The following UNC13A variants were observed in gnomAD, a reference collection of about 807,000 sequenced individuals.
The protein encoded by UNC13A is protein unc-13 homolog A.
A neutral mutation model predicts 219.7 loss-of-function variants in UNC13A; 61 were observed. The observed-to-expected ratio is 0.28, with a 90% CI of 0.23 to 0.34. The LOEUF is 0.34. Among genes scored for constraint, UNC13A ranks in the 10% least tolerant of loss-of-function variants. UNC13A has a pLI of 1.00. For synonymous variants in UNC13A, 920 were observed against 884.6 expected, an observed-to-expected ratio of 1.04 and a Z score of -0.71; for missense variants, 1,476 against 2,270.3, an observed-to-expected ratio of 0.65 and a Z score of 7.11.
chr19:17,650,439 G>A (rs1455062132), intron 12 of UNC13A, among the ~76,000 whole-genome samples: 1 of 152,100 alleles, frequency 6.6e-6, no homozygotes, highest in East Asian at 1.9e-4. Flanking sequence ...GCTTGAACCA[G>A]GAGGCAGAGG....
intron 26 of UNC13A, 98 bp from the exon 27 acceptor site, chr19:17,633,291 G>A (rs2076877115): frequency 3.4e-6 from 4 of 1,193,506 alleles, no homozygotes; most frequent in East Asian, 4.7e-5. Context: ...GTAGGGTAGG[G>A]TAGAGGGATT....
In UNC13A at chr19:17,602,105, G is replaced by A. The variant is rs1224143911; in HGVS notation, c.*3949C>T. 6.6e-6 allele frequency: 1 copy of A among 152,552 alleles called. No homozygotes were observed. The highest frequency in any genetic ancestry group is 2.1e-4 in the South Asian group (1 of 4,812). 9.4% of individuals were successfully genotyped at this position (152,552 alleles called of 1,614,324 possible). On this transcript the variant is annotated 3_prime_UTR_variant, in exon 44 of 44. Coordinates refer to ENST00000519716, the MANE Select transcript of UNC13A (RefSeq NM_001080421.3). ...TTTTTTGCATCTCTGATGGGGGCAT[G>A]GTGAGGTCTCAGGCTCTGGGGCCTG...
intron 20 of UNC13A, among the ~76,000 whole-genome samples, chr19:17,642,032 A>ATCCATC (rs2076975953): frequency 6.7e-6 from 1 of 150,278 alleles, no homozygotes; most frequent in Non-Finnish European, 1.5e-5. Context: ...ATCTGCCTAT[A>ATCCATC]CATCCATCCA....
In UNC13A at chr19:17,648,745, C is replaced by T. The variant is rs2079290178; in HGVS notation, c.1597-95G>A. Reference sequence around the variant, plus strand: ...CCCCATCACTGAGCGCGGTAAAGTCCCAGGCCCTCCCCTGCCTCCACGCTG... The same window carrying T: ...CCCCATCACTGAGCGCGGTAAAGTCTCAGGCCCTCCCCTGCCTCCACGCTG... On this transcript the variant is annotated intron_variant, in intron 15 of 43. Transcript: ENST00000519716. The T allele has an allele frequency of 3.9e-6, 6 of 1,533,624 alleles. 1 individual carries two copies. In the East Asian group the frequency reaches 1.4e-4, roughly 35 times the overall value.
chr19:17,610,948 G>A (rs1020983076), intron 42 of UNC13A, among the ~76,000 whole-genome samples: 5 of 152,090 alleles, frequency 3.3e-5, no homozygotes, highest in Admixed American at 6.6e-5. Flanking sequence ...CAGGAGGATC[G>A]CTAGAGCCCA....
rs1184230334 is a variant in UNC13A, at chr19:17,637,489, G to A, written c.3082-1332C>T. 4.6e-5 allele frequency among the ~76,000 whole-genome samples: 7 copies of A among 151,940 alleles called. No individual in the cohort carries two copies. The South Asian group carries it at 6.3e-4, about 14-fold the overall frequency. On this transcript the variant is annotated intron_variant, in intron 25 of 43. Coordinates refer to ENST00000519716, the MANE Select transcript of UNC13A (RefSeq NM_001080421.3). ...ATTTTTTTGTATTTTTAGTAGAGAC[G>A]GGGTTTCACTGTGTTAGCCAGGATG...
intron 43 of UNC13A, among the ~76,000 whole-genome samples, chr19:17,607,611 G>T (rs975844636): frequency 7.7e-6 from 1 of 129,822 alleles, no homozygotes; most frequent in Non-Finnish European, 1.7e-5. Context: ...ACAGGGTCTC[G>T]CTATGTCGGT....
intron 20 of UNC13A, among the ~76,000 whole-genome samples, chr19:17,642,372 A>G (rs1385135339): frequency 6.6e-6 from 1 of 152,118 alleles, no homozygotes; most frequent in Non-Finnish European, 1.5e-5. Flanking sequence ...CTAGCCACGA[A>G]TCTACCCACC....
At chr19:17,640,721 C>T (rs1294940000) in intron 21 of UNC13A, 60 bp from the exon 22 acceptor site, 3 of 1,478,510 alleles carry the variant, frequency 2.0e-6, no homozygotes, top group African/African-American at 2.8e-5. Context: ...ACCAAGATCC[C>T]CCCTAGAATG....
intron 25 of UNC13A, among the ~76,000 whole-genome samples, chr19:17,638,164 C>T (rs1331213363): frequency 1.3e-5 from 2 of 151,554 alleles, no homozygotes; most frequent in Non-Finnish European, 2.9e-5. Context: ...CCAGTTTGTA[C>T]ATCTTTCCCT....
intron 8 of UNC13A, 107 bp downstream of exon 8, chr19:17,663,425 C>T (rs1257813174): frequency 3.7e-6 from 5 of 1,338,008 alleles, no homozygotes; most frequent in Non-Finnish European, 5.3e-6. Context: ...ACGTGCTCGT[C>T]ACAGGCTCCT....
At chr19:17,629,673 C>T (rs1481086462) in intron 30 of UNC13A, among the ~76,000 whole-genome samples, 3 of 152,000 alleles carry the variant, frequency 2.0e-5, no homozygotes, top group African/African-American at 4.8e-5. Flanking sequence ...AAACCTCAAC[C>T]CCAATGATCC....
chr19:17,646,128 G>A lies in UNC13A; in HGVS notation c.2045-17C>T, dbSNP rs768421607. 2 of 1,612,848 alleles carry A rather than the reference G, an allele frequency of 1.2e-6. No individual in the cohort carries two copies. Among genetic ancestry groups the A allele is most frequent in the East Asian group, 2.2e-5 (1 of 44,868 alleles). On this transcript the variant is annotated splice_polypyrimidine_tract_variant and intron_variant, in intron 17 of 43. Coordinates refer to ENST00000519716, the MANE Select transcript of UNC13A (RefSeq NM_001080421.3). ...CGCAGACCACTGGAAGACACAGAGG[G>A]CATACACAGGTGTGCACTCAAGAAG...
intron 1 of UNC13A, among the ~76,000 whole-genome samples, chr19:17,684,825 G>A (rs926550429): frequency 3.9e-5 from 6 of 152,250 alleles, no homozygotes; most frequent in Non-Finnish European, 8.8e-5. Flanking sequence ...GTCTGCACAT[G>A]TGTGTCTAGG....
At chr19:17,650,912 G>A (rs2079332455) in intron 12 of UNC13A, among the ~76,000 whole-genome samples, 2 of 149,274 alleles carry the variant, frequency 1.3e-5, no homozygotes, top group African/African-American at 2.5e-5. Flanking sequence ...GACCATAGGT[G>A]TACACCGCCA....
chr19:17,666,851 G>C (rs2079657321), intron 6 of UNC13A, 147 bp from the exon 7 acceptor site: 1 of 427,846 alleles, frequency 2.3e-6, no homozygotes. Flanking sequence ...GGGAGTAAGA[G>C]AGAAAAGGAG....
intron 23 of UNC13A, 120 bp downstream of exon 23, chr19:17,639,720 G>A: frequency 1.6e-6 from 2 of 1,261,002 alleles, no homozygotes; most frequent in Admixed American, 1.9e-5. Flanking sequence ...CACACATGCT[G>A]GAGGAACACA....
chr19:17,667,588 C>G (rs1001237256), intron 6 of UNC13A, among the ~76,000 whole-genome samples: 12 of 152,018 alleles, frequency 7.9e-5, no homozygotes, highest in Non-Finnish European at 1.0e-4. Context: ...ATTCTCCCAC[C>G]TCAGCCTCCC....
At position 17,609,124 on chromosome 19, in the gene UNC13A, ATTTTTT is replaced by A. The variant is rs71162159; in HGVS notation, c.4811+810_4811+815del. Among the ~76,000 whole-genome samples, 5 of 128,372 alleles carry A rather than the reference ATTTTTT, an allele frequency of 3.9e-5. No individual in the cohort carries two copies. The South Asian group carries it at 1.3e-3, about 34-fold the overall frequency. The allele number at this position is 128,372 out of a possible 152,430, so 84.2% of individuals were successfully genotyped here. ...AGGCGTGCGCCACCACACCCGGCTA[ATTTTTT>A]TTTTTTTTTTTGTATTTTTAGTAGA... On this transcript the variant is annotated intron_variant, in intron 43 of 43. Transcript: ENST00000519716.
Sources: gnomAD v4.1 joint callset for allele counts (sites outside exome capture counted in the v4.1 genomes callset) on GRCh38, gnomAD v4.1.1 for gene constraint, MANE v1.5 for transcripts, NCBI Gene and HGNC (gene_info 2026-07-23, HGNC 2026-07-21) for gene names.